Variants in TULP2 observed in about 807,000 individuals in gnomAD.
TULP2 encodes tubby-related protein 2.
Under a neutral mutation model 60.3 loss-of-function variants are expected in TULP2, and 64 were observed. That is an observed-to-expected ratio of 1.06 (90% CI 0.87 to 1.31). The LOEUF is 1.31. Among genes scored for constraint, TULP2 ranks in the 50% most tolerant of loss-of-function variants. TULP2 has a pLI of 0.00. For synonymous variants in TULP2, 267 were observed against 265.4 expected (o/e 1.01, Z -0.06); for missense variants, 652 against 667.0 (o/e 0.98, Z 0.25).
chr19:48,886,839 G>C (rs991038626), intron 8 of TULP2, among the ~76,000 whole-genome samples: 4 of 151,086 alleles, frequency 2.6e-5, no homozygotes, highest in African/African-American at 9.8e-5. Flanking sequence ...AGCCTCCCAA[G>C]TAGCTGGGAC....
chr19:48,897,741 G>T lies in TULP2; in HGVS notation c.32+96C>A. On this transcript the variant is annotated intron_variant, in intron 2 of 12. Coordinates refer to ENST00000221399, the MANE Select transcript of TULP2 (RefSeq NM_003323.3). The surrounding 1 kb of genome is among the most constrained non-coding windows in gnomAD (Gnocchi z 4.0). ...AGCCCCTTCCTGCAAGGCCGATGGTGCTGAACCTGCAAACATGGTTATGAA... is the reference window on the plus strand; with the variant it reads ...AGCCCCTTCCTGCAAGGCCGATGGTTCTGAACCTGCAAACATGGTTATGAA... The T allele has an allele frequency of 7.5e-7, 1 of 1,339,442 alleles. No individual in the cohort carries two copies. Among genetic ancestry groups the T allele is most frequent in the Non-Finnish European group, 1.1e-6 (1 of 931,082 alleles). 83.0% of individuals were successfully genotyped at this position (1,339,442 alleles called of 1,614,324 possible).
chr19:48,894,002 A>G (rs950657761), intron 6 of TULP2, among the ~76,000 whole-genome samples: 1 of 152,170 alleles, frequency 6.6e-6, no homozygotes, highest in Non-Finnish European at 1.5e-5. Context: ...AAAGAAATTG[A>G]AAAACAACAA....
rs146268609 is a variant in TULP2, at chr19:48,892,658, C to T, written c.514+2340G>A. Reference sequence around the variant, plus strand: ...AGCTGGGACTACAGGCGCCCACCACCGCAACCGGCTAATTTTTTGTATTTT... The same window carrying T: ...AGCTGGGACTACAGGCGCCCACCACTGCAACCGGCTAATTTTTTGTATTTT... On this transcript the variant is annotated intron_variant, in intron 6 of 12. Transcript: ENST00000221399. 9.3e-3 allele frequency among the ~76,000 whole-genome samples: 1,421 copies of T among 151,984 alleles called. 21 individuals carry two copies. Among genetic ancestry groups the T allele is most frequent in the African/African-American group, 0.033 (1,372 of 41,446 alleles).
chr19:48,887,349 G>A (rs1475953976), intron 8 of TULP2, among the ~76,000 whole-genome samples: 1 of 37,760 alleles, frequency 2.6e-5, no homozygotes, highest in Non-Finnish European at 7.8e-5. Flanking sequence ...TTTTTATGCA[G>A]AGTCTAACTC....
chr19:48,888,224 G>A lies in TULP2; in HGVS notation c.674C>T (p.Ser225Phe). 1.2e-6 allele frequency: 2 copies of A among 1,606,392 alleles called. No homozygotes were observed. The highest frequency in any genetic ancestry group is 2.2e-5 in the East Asian group (1 of 44,648). The change falls in exon 8 of 13, where the codon TCT (serine) becomes TTT (phenylalanine). Residue 225 changes from serine to phenylalanine, a missense_variant. Ser to Phe is a radical substitution (Grantham distance 155). Coordinates refer to ENST00000221399, the MANE Select transcript of TULP2 (RefSeq NM_003323.3). ...DLEKKREASE[S>F]TGTNSSAAHN... Reference sequence around the variant, plus strand: ...TGCTGCTGAGGAGTTCGTCCCTGTAGACTCAGAGGCCTCTCTCTTCTTTTC... The same window carrying A: ...TGCTGCTGAGGAGTTCGTCCCTGTAAACTCAGAGGCCTCTCTCTTCTTTTC...
intron 6 of TULP2, among the ~76,000 whole-genome samples, chr19:48,893,421 A>G (rs1301061091): frequency 1.3e-5 from 2 of 152,076 alleles, no homozygotes; most frequent in Non-Finnish European, 2.9e-5. Flanking sequence ...ACAAAAGACC[A>G]CATATGTATA....
chr19:48,886,221 G>A (rs918278869), intron 8 of TULP2, among the ~76,000 whole-genome samples: 1 of 151,952 alleles, frequency 6.6e-6, no homozygotes, highest in Non-Finnish European at 1.5e-5. Context: ...CAGGAGAATA[G>A]CGTGAACCTG....
intron 6 of TULP2, 52 bp downstream of exon 6, chr19:48,894,936 GGGGAAGATTT>G: frequency 6.5e-7 from 1 of 1,548,158 alleles, no homozygotes; most frequent in Non-Finnish European, 8.7e-7. Context: ...GCCTAAGAAA[GGGGAAGATTT>G]GCTGCATGAA....
intron 6 of TULP2, among the ~76,000 whole-genome samples, chr19:48,891,725 A>G (rs113332254): frequency 0.085 from 12,900 of 152,196 alleles, 1,745 homozygotes; most frequent in African/African-American, 0.29. Context: ...CCAGGGGACC[A>G]GTGCTCCGCA....
At chr19:48,896,779 G>A in intron 3 of TULP2, 1 of 468,848 alleles carries the variant, frequency 2.1e-6, no homozygotes, top group Non-Finnish European at 3.7e-6. Context: ...CATCCCCCAG[G>A]ACCCAGGAGT....
intron 7 of TULP2, 89 bp downstream of exon 7, chr19:48,889,421 T>C (rs2037212489): frequency 7.4e-6 from 11 of 1,484,292 alleles, no homozygotes; most frequent in African/African-American, 1.4e-5. Context: ...AGCTTCTGAT[T>C]GGGTGGCAGA....
At position 48,897,340 on chromosome 19, in the gene TULP2, A is replaced by G. The variant is rs765464069; in HGVS notation, c.84+5T>C. The G allele has an allele frequency of 3.0e-5, 49 of 1,613,440 alleles. No individual in the cohort carries two copies. The highest frequency in any genetic ancestry group is 3.6e-5 in the Non-Finnish European group (43 of 1,179,768). On this transcript the variant is annotated splice_donor_5th_base_variant and intron_variant, in intron 3 of 12. Coordinates refer to ENST00000221399, the MANE Select transcript of TULP2 (RefSeq NM_003323.3). The surrounding 1 kb of genome is among the most constrained non-coding windows in gnomAD (Gnocchi z 4.0). ...TTGGAGTGGTGAGATTCCTGGGCAC[A>G]ATACCTGCTGTTCCAGCTTCTGCAG... is the stretch of plus-strand genomic sequence containing the variant.
intron 10 of TULP2, 32 bp from the exon 11 acceptor site, chr19:48,883,884 CCTT>C (rs2037156534): frequency 6.2e-7 from 1 of 1,613,990 alleles, no homozygotes. Context: ...TGGCCTGGTT[CCTT>C]CTTCTGACTA....
chr19:48,881,987 C>T (rs1378865656), intron 12 of TULP2, 45 bp downstream of exon 12: 5 of 1,613,506 alleles, frequency 3.1e-6, no homozygotes, highest in African/African-American at 1.3e-5. Context: ...CACACCCTAA[C>T]CCCCACCCCA....
At position 48,884,733 on chromosome 19, in the gene TULP2, G is replaced by A. The variant is rs181691645; in HGVS notation, c.1062-687C>T. Among the ~76,000 whole-genome samples, 15 of 151,774 alleles carry A rather than the reference G, an allele frequency of 9.9e-5. No homozygotes were observed. The East Asian group carries it at 2.5e-3, about 25-fold the overall frequency. ...TGTAGTGAGCCGAGATTACGCCATC[G>A]CACTCCAGCCTGGGCAACAAAAGTG... On this transcript the variant is annotated intron_variant, in intron 9 of 12. Transcript: ENST00000221399.
chr19:48,897,402 A>G lies in TULP2; in HGVS notation c.33-6T>C, dbSNP rs756088001. On this transcript the variant is annotated splice_polypyrimidine_tract_variant and splice_region_variant and intron_variant, in intron 2 of 12. Transcript: ENST00000221399. This position sits in a 1 kb window ranked among gnomAD's most constrained non-coding sequence, Gnocchi z 4.0. ...CGAGCTCATGCCCCAGGATGCTGAG[A>G]GAGACACAGGCCCATGGTGACAGTG... is the stretch of plus-strand genomic sequence containing the variant. 3.1e-6 allele frequency: 5 copies of G among 1,613,524 alleles called. No homozygotes were observed. In the Admixed American group the frequency reaches 5.0e-5, roughly 16 times the overall value.
chr19:48,892,649 G>A (rs1042940871), intron 6 of TULP2, among the ~76,000 whole-genome samples: 2 of 151,742 alleles, frequency 1.3e-5, no homozygotes, highest in South Asian at 2.1e-4. Context: ...GACTACAGGC[G>A]CCCACCACCG....
chr19:48,894,308 C>CCAA (rs2037259013), intron 6 of TULP2, among the ~76,000 whole-genome samples: 2 of 152,152 alleles, frequency 1.3e-5, no homozygotes, highest in South Asian at 4.2e-4. Context: ...GCTGGAATTA[C>CCAA]AGGCACTTTA....
At chr19:48,881,461 A>C (rs2037131996) in intron 12 of TULP2, among the ~76,000 whole-genome samples, 1 of 147,024 alleles carries the variant, frequency 6.8e-6, no homozygotes, top group Non-Finnish European at 1.5e-5. Context: ...GGCTCACTGC[A>C]AGCTCCGCCT....
Sources: allele counts gnomAD v4.1 joint callset (sites outside exome capture counted in the v4.1 genomes callset), GRCh38; gene constraint gnomAD v4.1.1; non-coding constraint Gnocchi (gnomAD v3.1); transcripts MANE v1.5; gene names NCBI Gene and HGNC (gene_info 2026-07-23, HGNC 2026-07-21).